Variants in CSMD3 observed in about 807,000 individuals in gnomAD.
CSMD3 encodes CUB and Sushi multiple domains 3.
A neutral mutation model predicts 435.2 loss-of-function variants in CSMD3; 177 were observed. The observed-to-expected ratio is 0.41, with a 90% confidence interval of 0.36 to 0.46. CSMD3 has a LOEUF of 0.46. CSMD3 is among the 20% of genes least tolerant of loss of function. The probability of loss-of-function intolerance (pLI) is 0.34; values close to 1 mark genes in which losing one functional copy is unlikely to be tolerated. For synonymous variants in CSMD3, 1,656 were observed against 1,520.5 expected (o/e 1.09, Z -2.07); for missense variants, 4,265 against 4,504.6 (o/e 0.95, Z 1.52).
intron 10 of CSMD3, among the ~76,000 whole-genome samples, chr8:112,919,543 C>T (rs2082673101): frequency 6.6e-6 from 1 of 151,828 alleles, no homozygotes; most frequent in Admixed American, 6.6e-5. Flanking sequence ...TTTGTTCCTA[C>T]ATTAACATTA....
At chr8:112,404,864 G>A (rs1563903315) in intron 35 of CSMD3, among the ~76,000 whole-genome samples, 1 of 151,506 alleles carries the variant, frequency 6.6e-6, no homozygotes, top group African/African-American at 2.4e-5. Flanking sequence ...CAAAAATTTT[G>A]CTTATCTTTT....
chr8:112,802,209 T>G (rs1000212341), intron 12 of CSMD3, among the ~76,000 whole-genome samples: 2 of 151,962 alleles, frequency 1.3e-5, no homozygotes, highest in Non-Finnish European at 2.9e-5. Flanking sequence ...AACTTGAAAT[T>G]ATAAGTTCCA....
At chr8:112,655,496 C>A (rs1322027310) in intron 18 of CSMD3, among the ~76,000 whole-genome samples, 2 of 151,724 alleles carry the variant, frequency 1.3e-5, no homozygotes. Context: ...GAAAAAAAGC[C>A]CATTTCTGTG....
At position 112,722,570 on chromosome 8, in the gene CSMD3, C is replaced by T. The variant is rs1482992679; in HGVS notation, c.1973-32520G>A. On this transcript the variant is annotated intron_variant, in intron 13 of 70. Coordinates refer to ENST00000297405, the MANE Select transcript of CSMD3 (RefSeq NM_198123.2). ...GTGCATGCACACGAGCCTGTGTGTGCGTTAGCGTGTGTGTGTGTGTGTAGT... is the reference window on the plus strand; with the variant it reads ...GTGCATGCACACGAGCCTGTGTGTGTGTTAGCGTGTGTGTGTGTGTGTAGT... 3.9e-5 allele frequency among the ~76,000 whole-genome samples: 6 copies of T among 151,966 alleles called. 1 individual carries two copies. The South Asian group carries it at 1.2e-3, about 32-fold the overall frequency.
intron 38 of CSMD3, among the ~76,000 whole-genome samples, chr8:112,367,581 T>C (rs1300439959): frequency 6.6e-6 from 1 of 152,166 alleles, no homozygotes; most frequent in South Asian, 2.1e-4. Context: ...TTTTCAATTA[T>C]ATCTTATTAA....
chr8:113,176,491 G>C (rs2092348426), intron 3 of CSMD3, among the ~76,000 whole-genome samples: 1 of 152,074 alleles, frequency 6.6e-6, no homozygotes, highest in Non-Finnish European at 1.5e-5. Flanking sequence ...ATTATGTTCT[G>C]ATTGAACATT....
At chr8:113,423,879 A>C (rs1003283100) in intron 1 of CSMD3, among the ~76,000 whole-genome samples, 14 of 151,910 alleles carry the variant, frequency 9.2e-5, no homozygotes, top group Non-Finnish European at 1.8e-4. Flanking sequence ...TGAAATTATC[A>C]AAGCAGAAAA....
At chr8:112,869,323 A>G (rs989439134) in intron 10 of CSMD3, among the ~76,000 whole-genome samples, 1 of 152,228 alleles carries the variant, frequency 6.6e-6, no homozygotes, top group African/African-American at 2.4e-5. Flanking sequence ...TGAAAACTCT[A>G]TATCTATGTC....
chr8:113,287,358 C>T (rs559933490), intron 2 of CSMD3, among the ~76,000 whole-genome samples: 22 of 152,130 alleles, frequency 1.4e-4, no homozygotes, highest in Admixed American at 1.4e-3. Context: ...AAGAAAACCA[C>T]AGGAACAAGC....
At chr8:112,492,755 C>A (rs2130855713) in intron 30 of CSMD3, 72 bp from the exon 31 acceptor site, 1 of 1,214,758 alleles carries the variant, frequency 8.2e-7, no homozygotes, top group Non-Finnish European at 1.2e-6. Context: ...ATGGGTTCTG[C>A]ATCTGTGGAT....
intron 5 of CSMD3, among the ~76,000 whole-genome samples, chr8:113,080,487 G>A (rs2089517198): frequency 6.6e-6 from 1 of 152,122 alleles, no homozygotes. Context: ...ATTTGCCTTT[G>A]AGGAGTTATC....
rs1336631322 is a variant in CSMD3, at chr8:112,265,570, C to T, written c.9529G>A (p.Gly3177Ser). 1.9e-6 allele frequency: 3 copies of T among 1,613,068 alleles called. No individual in the cohort carries two copies. The highest frequency in any genetic ancestry group is 2.5e-6 in the Non-Finnish European group (3 of 1,179,346). Residue 3177 changes from glycine (G) to serine (S), a missense_variant, in exon 60 of 71, where the codon GGT becomes AGT. Physicochemically the swap from Gly to Ser is moderately conservative, Grantham distance 56. This residue lies in a region of CSMD3 where 3,255 missense variants were observed against 3,380.2 expected (regional missense o/e 0.96). Transcript: ENST00000297405. Reference sequence around the variant, plus strand: ...TATCTCAGTCCATTGGCTGGTATACCTGGGTCTCCACAACTGATTACTGTC... The same window carrying T: ...TATCTCAGTCCATTGGCTGGTATACTTGGGTCTCCACAACTGATTACTGTC... ...NCTIISCGDP[G>S]IPANGLRYGD...
chr8:112,313,309 A>T (rs1822154936), intron 49 of CSMD3, among the ~76,000 whole-genome samples: 1 of 152,124 alleles, frequency 6.6e-6, no homozygotes, highest in Non-Finnish European at 1.5e-5. Context: ...CGTTTTTAAA[A>T]ACGGAAGGTT....
intron 11 of CSMD3, among the ~76,000 whole-genome samples, chr8:112,852,939 T>C (rs888689878): frequency 6.6e-6 from 1 of 151,702 alleles, no homozygotes; most frequent in African/African-American, 2.4e-5. Flanking sequence ...AATAAATAAA[T>C]AAATAAATAG....
At chr8:112,297,392 A>G (rs1400385893) in intron 53 of CSMD3, among the ~76,000 whole-genome samples, 1 of 152,058 alleles carries the variant, frequency 6.6e-6, no homozygotes, top group East Asian at 1.9e-4. Context: ...ATACATCATG[A>G]TTATCTGGGA....
At chr8:112,786,475 G>C (rs1030578970) in intron 13 of CSMD3, among the ~76,000 whole-genome samples, 3 of 151,482 alleles carry the variant, frequency 2.0e-5, no homozygotes, top group African/African-American at 7.3e-5. Context: ...AGGGTGAAGA[G>C]AAAACACACA....
At chr8:112,637,125 C>T in intron 21 of CSMD3, 120 bp from the exon 22 acceptor site, 1 of 771,878 alleles carries the variant, frequency 1.3e-6, no homozygotes, top group South Asian at 1.5e-5. Context: ...TTAGAAGGGA[C>T]TATATGAATA....
At chr8:113,289,490 T>G (rs1319313149) in intron 2 of CSMD3, among the ~76,000 whole-genome samples, 2 of 150,524 alleles carry the variant, frequency 1.3e-5, no homozygotes, top group Non-Finnish European at 3.0e-5. Flanking sequence ...TTAAAAAAAT[T>G]ATGACCGAGA....
At chr8:112,411,629 A>G (rs750147664) in intron 32 of CSMD3, among the ~76,000 whole-genome samples, 4 of 152,084 alleles carry the variant, frequency 2.6e-5, no homozygotes, top group African/African-American at 7.2e-5. Context: ...ACACATTATC[A>G]TATTAGCTAT....
Sources: gnomAD v4.1 joint callset for allele counts (sites outside exome capture counted in the v4.1 genomes callset) on GRCh38, gnomAD v4.1.1 for gene constraint, gnomAD v4.1.1 regional missense constraint, MANE v1.5 for transcripts, NCBI Gene and HGNC (gene_info 2026-07-23, HGNC 2026-07-21) for gene names.